Variants in INTU observed in about 807,000 individuals in gnomAD.
INTU encodes inturned planar cell polarity protein, also known as protein inturned.
A neutral mutation model predicts 100.5 loss-of-function variants in INTU; 68 were observed. The observed-to-expected ratio is 0.68, with a 90% confidence interval of 0.56 to 0.83. The LOEUF (loss-of-function observed/expected upper bound fraction) is 0.83, where lower values mean the gene tolerates loss of function less well. INTU is among the 40% of genes least tolerant of loss of function. INTU has a pLI of 0.00. For missense variants in INTU, 1,071 were observed against 1,114.7 expected (o/e 0.96, Z 0.56); for synonymous variants, 357 against 395.7 (o/e 0.90, Z 1.16).
intron 11 of INTU, among the ~76,000 whole-genome samples, 189 bp downstream of exon 11, chr4:127,706,001 T>TA (rs1221900602): frequency 1.3e-5 from 2 of 152,212 alleles, no homozygotes; most frequent in Admixed American, 6.5e-5. Flanking sequence ...CATGTCCCCT[T>TA]ATTCCTTTTC....
chr4:127,637,420 T>G (rs1727120614), intron 1 of INTU, among the ~76,000 whole-genome samples: 1 of 152,240 alleles, frequency 6.6e-6, no homozygotes, highest in Admixed American at 6.5e-5. Context: ...CCCTGTTCAT[T>G]ATTGAAAATG....
intron 14 of INTU, 52 bp downstream of exon 14, chr4:127,711,154 T>C: frequency 7.5e-7 from 1 of 1,326,518 alleles, no homozygotes; most frequent in Non-Finnish European, 1.0e-6. Context: ...TCCAGATCTC[T>C]AAGCATTCTG....
chr4:127,714,527 G>A (rs543857574), intron 15 of INTU, among the ~76,000 whole-genome samples: 26 of 152,070 alleles, frequency 1.7e-4, no homozygotes, highest in African/African-American at 6.3e-4. Flanking sequence ...CCAGCTGCAC[G>A]AGCACCAATC....
In INTU at chr4:127,663,560, C is replaced by T. The variant is rs777329660; in HGVS notation, c.948C>T (p.Leu316=). Residue 316 remains leucine, a synonymous_variant, in exon 4 of 16, where the codon CTC becomes CTT. Transcript: ENST00000335251. ...TCATTATGTATCTCACACTACAGCT[C>T]GACTCAGAAACCTCAAAGGAAGAGG... ...PHIIMYLTLQ[L]DSETSKEEQE... 31 of 1,612,900 alleles carry T rather than the reference C, an allele frequency of 1.9e-5. 1 individual carries two copies. Among genetic ancestry groups the T allele is most frequent in the Middle Eastern group, 1.7e-4 (1 of 6,044 alleles).
chr4:127,691,620 T>TG (rs917224237), intron 8 of INTU, among the ~76,000 whole-genome samples: 2 of 152,224 alleles, frequency 1.3e-5, no homozygotes, highest in South Asian at 4.1e-4. Flanking sequence ...GGTAGGTTTT[T>TG]GGGGAACAGG....
chr4:127,650,615 T>G (rs1169958963), intron 2 of INTU, among the ~76,000 whole-genome samples: 1 of 152,028 alleles, frequency 6.6e-6, no homozygotes, highest in African/African-American at 2.4e-5. Flanking sequence ...TAATCCAGTC[T>G]ATCATTGTTG....
intron 8 of INTU, among the ~76,000 whole-genome samples, chr4:127,692,909 T>C (rs1288058758): frequency 2.0e-5 from 3 of 152,198 alleles, no homozygotes; most frequent in Non-Finnish European, 4.4e-5. Context: ...TATTTGGCTT[T>C]ATTTCTGGGT....
chr4:127,681,285 G>A lies in INTU; in HGVS notation c.1182-3124G>A, dbSNP rs554220462. On this transcript the variant is annotated intron_variant, in intron 6 of 15. Coordinates refer to ENST00000335251, the MANE Select transcript of INTU (RefSeq NM_015693.4). ...TTCAAATGGAACCAAAAAAGAGGCC[G>A]CATCGCCAAGTCAATCCTAAGCCAA... 3.5e-4 allele frequency among the ~76,000 whole-genome samples: 54 copies of A among 152,234 alleles called. No individual in the cohort carries two copies. In the South Asian group the frequency reaches 7.9e-3, roughly 22 times the overall value.
chr4:127,659,033 A>G (rs987454810), intron 3 of INTU, among the ~76,000 whole-genome samples: 2 of 152,124 alleles, frequency 1.3e-5, no homozygotes, highest in African/African-American at 4.8e-5. Flanking sequence ...TGCACAGTTC[A>G]CAACAGGTTT....
rs533443896 is a variant in INTU at position 127,651,990 on chromosome 4, G to A, written c.683-4646G>A. ...TATTCTCTTTGAAGCAATTGTGAAT[G>A]GGAGTTCACTCATGATTTGGCTCTC... On this transcript the variant is annotated intron_variant, in intron 2 of 15. Transcript: ENST00000335251. Among the ~76,000 whole-genome samples the A allele has an allele frequency of 5.4e-5, 8 of 148,734 alleles. No homozygotes were observed. The East Asian group carries it at 1.6e-3, about 29-fold the overall frequency.
intron 3 of INTU, among the ~76,000 whole-genome samples, chr4:127,658,355 A>G (rs571031402): frequency 6.6e-6 from 1 of 152,312 alleles, no homozygotes; most frequent in Non-Finnish European, 1.5e-5. Flanking sequence ...TTGAAATAGT[A>G]ACAATCAGGG....
At chr4:127,710,809 G>A (rs1032193213) in intron 13 of INTU, 104 bp from the exon 14 acceptor site, 4 of 592,750 alleles carry the variant, frequency 6.7e-6, no homozygotes, top group Non-Finnish European at 5.3e-6. Flanking sequence ...ATATTATATT[G>A]TAGATAAAAG....
At chr4:127,702,940 T>C (rs1730713047) in intron 9 of INTU, among the ~76,000 whole-genome samples, 1 of 152,100 alleles carries the variant, frequency 6.6e-6, no homozygotes, top group Non-Finnish European at 1.5e-5. Flanking sequence ...TCCTTTTACC[T>C]TCTCATACCT....
At chr4:127,680,511 TTATCTC>T (rs1217027131) in intron 6 of INTU, among the ~76,000 whole-genome samples, 1 of 117,266 alleles carries the variant, frequency 8.5e-6, no homozygotes, top group Non-Finnish European at 1.8e-5. Flanking sequence ...AACCACATGA[TTATCTC>T]AATAGATGCA....
At chr4:127,634,295 T>C (rs996189605) in intron 1 of INTU, among the ~76,000 whole-genome samples, 6 of 152,228 alleles carry the variant, frequency 3.9e-5, no homozygotes, top group Non-Finnish European at 4.4e-5. Context: ...AAATATGAAT[T>C]ACATAGAACC....
chr4:127,669,202 A>G, intron 5 of INTU, 48 bp downstream of exon 5: 1 of 868,990 alleles, frequency 1.2e-6, no homozygotes, highest in Non-Finnish European at 1.8e-6. Context: ...AAGTTCTTTT[A>G]TTTCACCCTG....
chr4:127,643,308 A>G lies in INTU; in HGVS notation c.147-213A>G, dbSNP rs544698502. ...TTTGATTCCTTCTCCCCCAACTCCT[A>G]TTCAAAGCTCTACAAAAAAAGCATC... On this transcript the variant is annotated intron_variant, in intron 1 of 15. Transcript: ENST00000335251. Among the ~76,000 whole-genome samples the G allele has an allele frequency of 5.3e-5, 8 of 152,116 alleles. No homozygotes were observed. The South Asian group carries it at 1.0e-3, about 20-fold the overall frequency.
chr4:127,653,091 G>A (rs1405549874), intron 2 of INTU, among the ~76,000 whole-genome samples: 1 of 151,346 alleles, frequency 6.6e-6, no homozygotes, highest in Non-Finnish European at 1.5e-5. Context: ...TTTTTATTGT[G>A]TCTATTTGAT....
At chr4:127,642,425 T>C (rs181650698) in intron 1 of INTU, among the ~76,000 whole-genome samples, 182 of 152,292 alleles carry the variant, frequency 1.2e-3, no homozygotes, top group Non-Finnish European at 1.9e-3. Flanking sequence ...AGTTGAGTAA[T>C]AGAATAGTAT....
Sources: gnomAD v4.1 joint callset for allele counts (sites outside exome capture counted in the v4.1 genomes callset) on GRCh38, gnomAD v4.1.1 for gene constraint, MANE v1.5 for transcripts, NCBI Gene and HGNC (gene_info 2026-07-23, HGNC 2026-07-21) for gene names.